The following ASIC2 variants were observed in gnomAD, a reference collection of about 807,000 sequenced individuals.
ASIC2 encodes acid sensing ion channel subunit 2.
A neutral mutation model predicts 57.3 loss-of-function variants in ASIC2; 25 were observed. That is an observed-to-expected ratio of 0.44 (90% CI 0.32 to 0.61). The LOEUF (loss-of-function observed/expected upper bound fraction) is 0.61, where lower values mean the gene tolerates loss of function less well. Ranked by LOEUF, ASIC2 falls within the 20% of genes least tolerant of loss-of-function variation. ASIC2 has a pLI of 0.06. For synonymous variants in ASIC2, 319 were observed against 307.5 expected, an observed-to-expected ratio of 1.04 and a Z score of -0.39; for missense variants, 641 against 738.1, an observed-to-expected ratio of 0.87 and a Z score of 1.52.
intron 1 of ASIC2, among the ~76,000 whole-genome samples, chr17:34,059,224 C>T (rs1908879289): frequency 1.3e-5 from 2 of 152,210 alleles, no homozygotes; most frequent in Non-Finnish European, 2.9e-5. Context: ...CTCTCCCAAA[C>T]ACACACCCCC....
intron 1 of ASIC2, among the ~76,000 whole-genome samples, chr17:33,849,607 C>T (rs1255224349): frequency 1.3e-5 from 2 of 152,100 alleles, no homozygotes; most frequent in Admixed American, 6.5e-5. Context: ...TGAGACTTGC[C>T]AGGGAGGAAG....
intron 1 of ASIC2, among the ~76,000 whole-genome samples, chr17:33,986,810 C>A (rs1196930001): frequency 6.6e-6 from 1 of 152,098 alleles, no homozygotes; most frequent in African/African-American, 2.4e-5. Context: ...AAGTAGCTTA[C>A]AGAGCTGGGA....
intron 1 of ASIC2, among the ~76,000 whole-genome samples, chr17:33,115,139 C>T (rs1408250658): frequency 6.6e-6 from 1 of 152,170 alleles, no homozygotes; most frequent in Non-Finnish European, 1.5e-5. Context: ...TGCAGCTGCC[C>T]TTGGTGTCAA....
chr17:33,275,512 C>T lies in ASIC2; in HGVS notation c.708+15896G>A, dbSNP rs144849612. Among the ~76,000 whole-genome samples the T allele has an allele frequency of 2.2e-4, 33 of 152,290 alleles. No homozygotes were observed. In the East Asian group the frequency reaches 4.8e-3, roughly 22 times the overall value. ...CTTTGTGTGTGTCGTAAACTAGCAT[C>T]GGCCCTGGAAAGGGAGTGGGAAGAG... is the stretch of plus-strand genomic sequence containing the variant. On this transcript the variant is annotated intron_variant, in intron 1 of 9. Transcript: ENST00000225823.
At chr17:33,502,086 C>G (rs1444480300) in intron 1 of ASIC2, among the ~76,000 whole-genome samples, 2 of 152,066 alleles carry the variant, frequency 1.3e-5, no homozygotes, top group Non-Finnish European at 2.9e-5. Context: ...CTAGTGAGTT[C>G]CAGGCTACTG....
At chr17:34,022,878 G>T (rs1026485372) in intron 1 of ASIC2, among the ~76,000 whole-genome samples, 2 of 152,174 alleles carry the variant, frequency 1.3e-5, no homozygotes, top group African/African-American at 2.4e-5. Flanking sequence ...TTGGAGGAGG[G>T]TCCTGGTGGG....
intron 1 of ASIC2, among the ~76,000 whole-genome samples, chr17:34,012,672 AT>A (rs1189781522): frequency 6.6e-6 from 1 of 151,154 alleles, no homozygotes; most frequent in Non-Finnish European, 1.5e-5. Context: ...TTAGATTTGC[AT>A]TTTTTTCTCT....
intron 3 of ASIC2, among the ~76,000 whole-genome samples, chr17:33,065,026 G>C (rs969101584): frequency 6.6e-6 from 1 of 152,130 alleles, no homozygotes; most frequent in Non-Finnish European, 1.5e-5. Flanking sequence ...TTGTGGCTTG[G>C]GGAAGGTCAT....
At chr17:33,143,969 T>C (rs1904435067) in intron 1 of ASIC2, among the ~76,000 whole-genome samples, 1 of 152,110 alleles carries the variant, frequency 6.6e-6, no homozygotes, top group African/African-American at 2.4e-5. Flanking sequence ...TCTGGTATAA[T>C]ATGGTCCCAC....
At chr17:33,746,529 TA>T (rs1567704606) in intron 1 of ASIC2, among the ~76,000 whole-genome samples, 1 of 151,602 alleles carries the variant, frequency 6.6e-6, no homozygotes, top group Non-Finnish European at 1.5e-5. Flanking sequence ...TATGTGTATA[TA>T]TAGTTTTTAT....
intron 1 of ASIC2, among the ~76,000 whole-genome samples, chr17:33,240,675 G>T (rs924602004): frequency 2.6e-5 from 4 of 152,326 alleles, no homozygotes; most frequent in Non-Finnish European, 5.9e-5. Context: ...ACCCCAGGCA[G>T]CCAGGAGCGG....
rs181805219 is a variant in ASIC2, at chr17:33,074,886, G to A, written c.987+13977C>T. Reference sequence around the variant, plus strand: ...AAGGAATTGTACCAGTTATGATGGTGAGCGTGGTGGCTCCACTCAATGAAC... The same window carrying A: ...AAGGAATTGTACCAGTTATGATGGTAAGCGTGGTGGCTCCACTCAATGAAC... On this transcript the variant is annotated intron_variant, in intron 3 of 9. Transcript: ENST00000225823. Among the ~76,000 whole-genome samples, 42 of 152,334 alleles carry A rather than the reference G, an allele frequency of 2.8e-4. No homozygotes were observed. In the East Asian group the frequency reaches 5.8e-3, roughly 21 times the overall value.
upstream of ASIC2, among the ~76,000 whole-genome samples, chr17:33,296,617 T>G (rs1905730791): frequency 6.6e-6 from 1 of 152,242 alleles, no homozygotes. Context: ...TGATGTTGTG[T>G]GCAGTGGCAG....
In ASIC2 at chr17:34,073,013, G is replaced by A. The variant is rs142914083; in HGVS notation, c.555+82965C>T. 9.6e-3 allele frequency among the ~76,000 whole-genome samples: 1,459 copies of A among 152,274 alleles called. 19 individuals carry two copies. The highest frequency in any genetic ancestry group is 0.011 in the Non-Finnish European group (768 of 68,028). ...ATGGAAAACCATTATGCCAGGTAAC[G>A]TATTCACAGATCAAAGAACCAGGAG... On this transcript the variant is annotated intron_variant, in intron 1 of 9. Transcript: ENST00000359872.
chr17:33,640,067 G>A (rs1433112031), intron 1 of ASIC2, among the ~76,000 whole-genome samples: 3 of 152,108 alleles, frequency 2.0e-5, no homozygotes, highest in Non-Finnish European at 2.9e-5. Context: ...TCGCTGTGTC[G>A]GATCCTGGCC....
At position 34,029,375 on chromosome 17, in the gene ASIC2, CAAAAAA is replaced by C. The variant is rs60189628; in HGVS notation, c.555+126597_555+126602del. Among the ~76,000 whole-genome samples the C allele has an allele frequency of 8.2e-3, 904 of 110,458 alleles. 12 individuals carry two copies. The highest frequency in any genetic ancestry group is 0.024 in the African/African-American group (842 of 35,020). The allele number at this position is 110,458 out of a possible 152,430, so 72.5% of individuals were successfully genotyped here. On this transcript the variant is annotated intron_variant, in intron 1 of 9. Coordinates refer to the ASIC2 transcript ENST00000359872. ...GAGGAATGTCTCACAGTGCTAAAAC[CAAAAAA>C]AAAAAAAAAAAAATAGTAAAATTTA...
chr17:34,140,640 A>C (rs1598045091), intron 1 of ASIC2, among the ~76,000 whole-genome samples: 1 of 152,348 alleles, frequency 6.6e-6, no homozygotes, highest in East Asian at 1.9e-4. Context: ...AAAGCACACA[A>C]AGTCAGCTGG....
At chr17:33,101,803 T>TATA (rs2092213014) in intron 2 of ASIC2, among the ~76,000 whole-genome samples, 1 of 152,356 alleles carries the variant, frequency 6.6e-6, no homozygotes, top group East Asian at 1.9e-4. Flanking sequence ...CCTTGCAGTA[T>TATA]ATAATGTTTT....
chr17:33,580,543 A>G (rs1904399432), intron 1 of ASIC2, among the ~76,000 whole-genome samples: 1 of 152,188 alleles, frequency 6.6e-6, no homozygotes. Flanking sequence ...AACCAATGCC[A>G]GGCTGCACTC....
Sources: allele counts gnomAD v4.1 joint callset (sites outside exome capture counted in the v4.1 genomes callset), GRCh38; gene constraint gnomAD v4.1.1; transcripts MANE v1.5; gene names NCBI Gene and HGNC (gene_info 2026-07-23, HGNC 2026-07-21).